Variants in RAPGEF1 observed in about 807,000 individuals in gnomAD.
The protein encoded by RAPGEF1 is CRK SH3-binding GNRP.
A neutral mutation model predicts 143.3 loss-of-function variants in RAPGEF1; 33 were observed. That is an observed-to-expected ratio of 0.23 (90% CI 0.17 to 0.31). The LOEUF is 0.31. RAPGEF1 is among the 10% of genes least tolerant of loss of function. The probability of loss-of-function intolerance (pLI) is 1.00; values close to 1 mark genes in which losing one functional copy is unlikely to be tolerated. For synonymous variants in RAPGEF1, 629 were observed against 676.5 expected (o/e 0.93, Z 1.09); for missense variants, 1,199 against 1,645.4 (o/e 0.73, Z 4.69).
Position 131,621,114 on chromosome 9 carries a change from G to A in RAPGEF1, c.1905+682C>T, listed in dbSNP as rs1018475820. ...TTGGAGGGATGCCACAGGTACCCCC[G>A]ATCTGCTCACCCTCCCAGTGCCTGG... On this transcript the variant is annotated intron_variant, in intron 11 of 26. Coordinates refer to ENST00000683357, the MANE Select transcript of RAPGEF1 (RefSeq NM_001377935.1). This position sits in a 1 kb window ranked among gnomAD's most constrained non-coding sequence, Gnocchi z 4.5. Among the ~76,000 whole-genome samples, 2 of 152,228 alleles carry A rather than the reference G, an allele frequency of 1.3e-5. No individual in the cohort carries two copies. The highest frequency in any genetic ancestry group is 2.9e-5 in the Non-Finnish European group (2 of 68,022).
intron 1 of RAPGEF1, among the ~76,000 whole-genome samples, chr9:131,711,006 C>T (rs564182309): frequency 1.3e-5 from 2 of 152,110 alleles, no homozygotes; most frequent in South Asian, 2.1e-4. Flanking sequence ...TTGTGAAGTA[C>T]GTAGCATGCT....
rs3837234 is a variant in RAPGEF1 at position 131,639,437 on chromosome 9, A to AGTGTGTGTGTGTGTGTGT, written c.495-664_495-647dup. On this transcript the variant is annotated intron_variant, in intron 4 of 26. Transcript: ENST00000683357. ...GGATGTGAGGATGGGAACGCAGGTG[A>AGTGTGTGTGTGTGTGTGT]GTGTGTGTGTGTGTGTGTGTGTGTG... Among the ~76,000 whole-genome samples the AGTGTGTGTGTGTGTGTGT allele has an allele frequency of 2.6e-3, 383 of 149,186 alleles. 1 individual carries two copies. The highest frequency in any genetic ancestry group is 8.6e-3 in the African/African-American group (347 of 40,124).
At chr9:131,663,762 G>C (rs117020776) in intron 1 of RAPGEF1, among the ~76,000 whole-genome samples, 2 of 152,226 alleles carry the variant, frequency 1.3e-5, no homozygotes, top group African/African-American at 2.4e-5. Flanking sequence ...ACTTGGTTAA[G>C]GTGGTATCTG....
chr9:131,591,179 G>A (rs1264300659), intron 18 of RAPGEF1, among the ~76,000 whole-genome samples: 1 of 152,252 alleles, frequency 6.6e-6, no homozygotes, highest in East Asian at 1.9e-4. Flanking sequence ...GGATGTCCAC[G>A]TCTGTCTTGA....
rs140750875 is a variant in RAPGEF1 at position 131,628,433 on chromosome 9, G to A, written c.1017+116C>T. On this transcript the variant is annotated intron_variant, in intron 8 of 26. Transcript: ENST00000683357. This position sits in a 1 kb window ranked among gnomAD's most constrained non-coding sequence, Gnocchi z 5.7. ...ATGGGTACAAGGTCTCGCACTCCTC[G>A]ATGTGACAAACACCAGCGCCTGAAG... The A allele has an allele frequency of 7.0e-5, 97 of 1,377,516 alleles. 1 individual carries two copies. In the African/African-American group the frequency reaches 8.9e-4, roughly 13 times the overall value. The allele number at this position is 1,377,516 out of a possible 1,614,324, so 85.3% of individuals were successfully genotyped here. A position where few individuals can be genotyped will look rare whatever the true frequency, so the allele number is the denominator to read the frequency against.
intron 12 of RAPGEF1, among the ~76,000 whole-genome samples, chr9:131,614,374 C>T (rs1958558601): frequency 6.6e-6 from 1 of 152,238 alleles, no homozygotes. Flanking sequence ...CACTTCCCTC[C>T]CATGGGCCAT....
chr9:131,698,594 G>A (rs1834368653), intron 1 of RAPGEF1, among the ~76,000 whole-genome samples: 1 of 152,248 alleles, frequency 6.6e-6, no homozygotes, highest in Non-Finnish European at 1.5e-5. Context: ...AGAAGGGCGG[G>A]TAGAAGGAGG....
intron 12 of RAPGEF1, among the ~76,000 whole-genome samples, chr9:131,614,834 GTTT>G (rs5900947): frequency 1.4e-5 from 2 of 146,232 alleles, no homozygotes; most frequent in Non-Finnish European, 3.0e-5. Context: ...TTAGCCTGAA[GTTT>G]TTTTTTTTTT....
intron 3 of RAPGEF1, among the ~76,000 whole-genome samples, chr9:131,649,648 G>C (rs998062103): frequency 1.3e-5 from 2 of 152,138 alleles, no homozygotes; most frequent in Non-Finnish European, 2.9e-5. Flanking sequence ...CCAAGAAAAG[G>C]CTCCATAAAT....
intron 1 of RAPGEF1, among the ~76,000 whole-genome samples, chr9:131,653,842 C>A (rs1024478514): frequency 6.6e-6 from 1 of 152,160 alleles, no homozygotes; most frequent in African/African-American, 2.4e-5. Context: ...AAGTTCACAG[C>A]AACATTATTC....
intron 1 of RAPGEF1, among the ~76,000 whole-genome samples, chr9:131,676,409 C>T (rs775437251): frequency 2.0e-5 from 3 of 152,344 alleles, no homozygotes; most frequent in East Asian, 1.9e-4. Context: ...CCAAGCACCC[C>T]GGCTGTGCTA....
intron 15 of RAPGEF1, 131 bp downstream of exon 15, chr9:131,601,930 G>A (rs1356683054): frequency 6.1e-6 from 4 of 658,476 alleles, no homozygotes; most frequent in Non-Finnish European, 1.0e-5. Flanking sequence ...AAGGAAATAA[G>A]GAAAGAAGGA....
rs749625917 is a variant in RAPGEF1 at position 131,621,991 on chromosome 9, G to A, written c.1710C>T (p.Ala570=). Residue 570 remains alanine (A), a synonymous_variant, in exon 11 of 27, where the codon GCC becomes GCT. Coordinates refer to ENST00000683357, the MANE Select transcript of RAPGEF1 (RefSeq NM_001377935.1). The surrounding 1 kb of genome is among the most constrained non-coding windows in gnomAD (Gnocchi z 4.5). ...LPEKKNKHML[A]YMQLLEDYSE... ...AGTAGTCCTCCAGCAACTGCATGTA[G>A]GCCAGCACTGTGAAACAAGGGAGAA... The A allele has an allele frequency of 2.5e-6, 4 of 1,612,634 alleles. No homozygotes were observed. Among genetic ancestry groups the A allele is most frequent in the Non-Finnish European group, 2.5e-6 (3 of 1,179,358 alleles).
At chr9:131,668,661 G>A (rs1331072635) in intron 1 of RAPGEF1, among the ~76,000 whole-genome samples, 1 of 152,152 alleles carries the variant, frequency 6.6e-6, no homozygotes, top group Non-Finnish European at 1.5e-5. Flanking sequence ...TCCCAGGGAA[G>A]CGTTTCTTTT....
At chr9:131,652,574 A>G (rs1971350137) in intron 1 of RAPGEF1, among the ~76,000 whole-genome samples, 2 of 152,164 alleles carry the variant, frequency 1.3e-5, no homozygotes, top group African/African-American at 2.4e-5. Flanking sequence ...AAAGACAGAC[A>G]CACATTAATC....
intron 1 of RAPGEF1, among the ~76,000 whole-genome samples, chr9:131,700,414 C>T (rs531776722): frequency 1.3e-5 from 2 of 152,288 alleles, no homozygotes; most frequent in Admixed American, 6.5e-5. Flanking sequence ...TTCCCTGGCT[C>T]CTCTATATGA....
At position 131,650,874 on chromosome 9, in the gene RAPGEF1, G is replaced by A. The variant is rs1416280444; in HGVS notation, c.137C>T (p.Thr46Met). 1.1e-5 allele frequency: 18 copies of A among 1,613,820 alleles called. No homozygotes were observed. The highest frequency in any genetic ancestry group is 5.0e-5 in the Admixed American group (3 of 59,990). ...DKFHSPKIKRTPSKKGKPAEV... is the reference protein window; with the variant it reads ...DKFHSPKIKRMPSKKGKPAEV... ...AGCTGGTTTTCCCTTCTTTGATGGC[G>A]TTCTCTTGATTTTGGGTGAGTGGAA... Residue 46 changes from threonine (T) to methionine (M), a missense_variant, in exon 2 of 27, where the codon ACG becomes ATG. This residue lies in a region of RAPGEF1 where 613 missense variants were observed against 710.9 expected (regional missense o/e 0.86). Transcript: ENST00000683357. This position sits in a 1 kb window ranked among gnomAD's most constrained non-coding sequence, Gnocchi z 4.7.
At chr9:131,600,387 A>C (rs564257988) in intron 15 of RAPGEF1, among the ~76,000 whole-genome samples, 26 of 152,158 alleles carry the variant, frequency 1.7e-4, no homozygotes, top group Non-Finnish European at 3.5e-4. Context: ...TGGCCCACAC[A>C]CTCTGCCCCA....
At chr9:131,681,203 A>AC (rs1031800008) in intron 1 of RAPGEF1, among the ~76,000 whole-genome samples, 3 of 152,022 alleles carry the variant, frequency 2.0e-5, no homozygotes, top group Non-Finnish European at 2.9e-5. Context: ...ACCCCTCTGC[A>AC]CCCCCTCATT....
Sources: allele counts gnomAD v4.1 joint callset (sites outside exome capture counted in the v4.1 genomes callset), GRCh38; gene constraint gnomAD v4.1.1; regional missense constraint gnomAD v4.1.1; non-coding constraint Gnocchi (gnomAD v3.1); transcripts MANE v1.5; gene names NCBI Gene and HGNC (gene_info 2026-07-23, HGNC 2026-07-21).